The following GNA14 variants were observed in gnomAD, a reference collection of about 807,000 sequenced individuals.
The protein encoded by GNA14 is G protein subunit alpha 14.
In GNA14, 50 loss-of-function variants were observed where a neutral mutation model predicts 42.0. The ratio of observed to expected loss-of-function variants is 1.19; its 90% CI spans 0.95 to 1.51. The LOEUF (loss-of-function observed/expected upper bound fraction) is 1.51. Ranked by LOEUF, GNA14 falls within the 40% of genes most tolerant of loss-of-function variation. The pLI is 0.00. For missense variants in GNA14, 473 were observed against 446.2 expected (o/e 1.06, Z -0.54); for synonymous variants, 173 against 163.1 (o/e 1.06, Z -0.46).
At chr9:77,600,240 C>G (rs1418576383) in intron 1 of GNA14, among the ~76,000 whole-genome samples, 1 of 152,222 alleles carries the variant, frequency 6.6e-6, no homozygotes, top group Non-Finnish European at 1.5e-5. Flanking sequence ...AAGTACACCC[C>G]TTTTCTTCCG....
At chr9:77,545,434 G>A (rs1372667870) in intron 1 of GNA14, among the ~76,000 whole-genome samples, 5 of 152,168 alleles carry the variant, frequency 3.3e-5, no homozygotes, top group Admixed American at 1.3e-4. Context: ...AATTCAGATG[G>A]AAATATATAT....
At chr9:77,434,571 AC>A (rs1835613076) in intron 2 of GNA14, 49 bp from the exon 3 acceptor site, 2 of 1,520,708 alleles carry the variant, frequency 1.3e-6, no homozygotes, top group African/African-American at 2.7e-5. Flanking sequence ...AAGGAAGCCA[AC>A]CCATTGGCAA....
chr9:77,451,535 C>T (rs762981506), intron 2 of GNA14, among the ~76,000 whole-genome samples: 1 of 152,112 alleles, frequency 6.6e-6, no homozygotes, highest in South Asian at 2.1e-4. Flanking sequence ...TGAGGATGAC[C>T]AATGTGTAGG....
Position 77,645,618 on chromosome 9 carries a change from G to A in GNA14, c.124+2052C>T, listed in dbSNP as rs989712128. Reference sequence around the variant, plus strand: ...TGGAGCAATGGCCTGGGAAGATAAAGAAGACCCTCGGGTCACCCTGATTAA... The same window carrying A: ...TGGAGCAATGGCCTGGGAAGATAAAAAAGACCCTCGGGTCACCCTGATTAA... On this transcript the variant is annotated intron_variant, in intron 1 of 6. Coordinates refer to ENST00000341700, the MANE Select transcript of GNA14 (RefSeq NM_004297.4). Among the ~76,000 whole-genome samples the A allele has an allele frequency of 2.6e-5, 4 of 152,186 alleles. No individual in the cohort carries two copies. The South Asian group carries it at 6.2e-4, about 24-fold the overall frequency.
chr9:77,459,423 C>G (rs1351593377), intron 2 of GNA14, among the ~76,000 whole-genome samples: 2 of 152,042 alleles, frequency 1.3e-5, no homozygotes, highest in African/African-American at 2.4e-5. Flanking sequence ...GTAATCCAAG[C>G]AAAATGACGC....
chr9:77,489,565 G>A (rs1296555623), intron 2 of GNA14, among the ~76,000 whole-genome samples: 2 of 152,306 alleles, frequency 1.3e-5, no homozygotes, highest in East Asian at 1.9e-4. Context: ...GGACCCTCGT[G>A]GTGAGTGTTA....
At chr9:77,490,392 A>G (rs952380563) in intron 2 of GNA14, among the ~76,000 whole-genome samples, 11 of 152,204 alleles carry the variant, frequency 7.2e-5, no homozygotes, top group African/African-American at 2.7e-4. Flanking sequence ...CGCACTCCTC[A>G]GCCCTTGGGC....
intron 1 of GNA14, among the ~76,000 whole-genome samples, chr9:77,626,240 G>C (rs542966907): frequency 1.3e-5 from 2 of 152,256 alleles, no homozygotes; most frequent in South Asian, 4.2e-4. Context: ...GATTCACAAA[G>C]CAAGTTCTTA....
intron 1 of GNA14, among the ~76,000 whole-genome samples, chr9:77,646,068 A>G (rs1451432318): frequency 1.3e-5 from 2 of 152,194 alleles, no homozygotes; most frequent in Non-Finnish European, 2.9e-5. Context: ...TAGAATTTTC[A>G]GACTTTTCAA....
intron 2 of GNA14, among the ~76,000 whole-genome samples, chr9:77,499,905 A>G (rs10869930): frequency 0.62 from 93,686 of 152,000 alleles, 30,077 homozygotes; most frequent in East Asian, 0.84. Flanking sequence ...GAATACCCTG[A>G]AATATGATTC....
intron 1 of GNA14, chr9:77,580,513 A>G (rs1376263086): frequency 4.7e-6 from 2 of 428,642 alleles, no homozygotes; most frequent in Non-Finnish European, 9.2e-6. Context: ...GGGTGAGCTT[A>G]AGGTAGATGA....
chr9:77,616,654 C>T (rs1364055909), intron 1 of GNA14, among the ~76,000 whole-genome samples: 4 of 152,180 alleles, frequency 2.6e-5, no homozygotes, highest in Non-Finnish European at 5.9e-5. Context: ...GAAACAGGAC[C>T]TCTTAGCAGT....
intron 2 of GNA14, among the ~76,000 whole-genome samples, chr9:77,435,641 A>G (rs938204384): frequency 2.0e-5 from 3 of 152,162 alleles, no homozygotes; most frequent in African/African-American, 7.2e-5. Flanking sequence ...TATTACTATT[A>G]CAGCGGTTAC....
At chr9:77,487,923 C>A (rs1273945631) in intron 2 of GNA14, among the ~76,000 whole-genome samples, 1 of 152,064 alleles carries the variant, frequency 6.6e-6, no homozygotes, top group Non-Finnish European at 1.5e-5. Flanking sequence ...GCCAAACATA[C>A]CACGTTGGGC....
chr9:77,609,829 T>C (rs1823702345), intron 1 of GNA14, among the ~76,000 whole-genome samples: 1 of 152,246 alleles, frequency 6.6e-6, no homozygotes, highest in Admixed American at 6.5e-5. Flanking sequence ...AGTCTCTCTC[T>C]GATCTTCTCC....
At chr9:77,477,434 C>T (rs1432799299) in intron 2 of GNA14, among the ~76,000 whole-genome samples, 1 of 152,186 alleles carries the variant, frequency 6.6e-6, no homozygotes, top group Admixed American at 6.5e-5. Context: ...CCCCATTCCC[C>T]TGCTGAGAAT....
intron 1 of GNA14, among the ~76,000 whole-genome samples, chr9:77,585,411 GGAAGA>G (rs1407266621): frequency 2.6e-5 from 4 of 152,132 alleles, no homozygotes; most frequent in African/African-American, 4.8e-5. Flanking sequence ...CTCGGTACCA[GGAAGA>G]GAAGGATGAC....
At chr9:77,569,344 G>A (rs936482997) in intron 1 of GNA14, among the ~76,000 whole-genome samples, 1 of 152,140 alleles carries the variant, frequency 6.6e-6, no homozygotes, top group Non-Finnish European at 1.5e-5. Flanking sequence ...GAGATCATTG[G>A]CATTTGGCCA....
At chr9:77,577,375 T>C (rs1823144780) in intron 1 of GNA14, among the ~76,000 whole-genome samples, 3 of 152,198 alleles carry the variant, frequency 2.0e-5, no homozygotes, top group Admixed American at 2.0e-4. Flanking sequence ...ATTTGGTTAG[T>C]ATAACAATAA....
Sources: gnomAD v4.1 joint callset for allele counts (sites outside exome capture counted in the v4.1 genomes callset) on GRCh38, gnomAD v4.1.1 for gene constraint, MANE v1.5 for transcripts, NCBI Gene and HGNC (gene_info 2026-07-23, HGNC 2026-07-21) for gene names.